THSD7B: variants seen among roughly 807,000 people sequenced by gnomAD.
THSD7B encodes thrombospondin type-1 domain-containing protein 7B.
Under a neutral mutation model 213.6 loss-of-function variants are expected in THSD7B, and 138 were observed. That is an observed-to-expected ratio of 0.65 (90% CI 0.56 to 0.74). The LOEUF (loss-of-function observed/expected upper bound fraction) is 0.74. Ranked by LOEUF, THSD7B falls within the 30% of genes least tolerant of loss-of-function variation. THSD7B has a pLI of 0.00. For missense variants in THSD7B, 1,931 were observed against 1,991.5 expected, an observed-to-expected ratio of 0.97 and a Z score of 0.58; for synonymous variants, 742 against 687.0, an observed-to-expected ratio of 1.08 and a Z score of -1.25.
intron 12 of THSD7B, among the ~76,000 whole-genome samples, chr2:137,381,974 G>A (rs912835065): frequency 1.3e-5 from 2 of 152,186 alleles, no homozygotes; most frequent in African/African-American, 4.8e-5. Context: ...ACCAACGTAC[G>A]GCAAGTGCTG....
At chr2:136,820,029 C>T (rs572206969) in intron 1 of THSD7B, among the ~76,000 whole-genome samples, 59 of 152,252 alleles carry the variant, frequency 3.9e-4, no homozygotes, top group African/African-American at 1.4e-3. Flanking sequence ...CTTCCCTGAC[C>T]ACCCTACTTA....
At chr2:137,213,323 G>A (rs577157104) in intron 7 of THSD7B, among the ~76,000 whole-genome samples, 3 of 147,112 alleles carry the variant, frequency 2.0e-5, no homozygotes, top group African/African-American at 7.4e-5. Flanking sequence ...TTTATTAGTA[G>A]CAGATAATTA....
chr2:136,847,631 T>G (rs766350295), intron 1 of THSD7B, among the ~76,000 whole-genome samples: 2 of 152,178 alleles, frequency 1.3e-5, no homozygotes, highest in Non-Finnish European at 2.9e-5. Context: ...TGACTGCATA[T>G]GATTGCTGGC....
At chr2:137,075,648 G>A (rs58463436) in intron 3 of THSD7B, among the ~76,000 whole-genome samples, 3 of 152,166 alleles carry the variant, frequency 2.0e-5, no homozygotes, top group African/African-American at 7.2e-5. Context: ...TTCCTTTGGA[G>A]CAGGAGAGGC....
At chr2:137,043,580 A>G (rs1381340522) in intron 2 of THSD7B, among the ~76,000 whole-genome samples, 1 of 152,132 alleles carries the variant, frequency 6.6e-6, no homozygotes, top group East Asian at 1.9e-4. Context: ...TTTTAATTAT[A>G]TGTATTTTTT....
At chr2:137,390,458 A>G (rs1036120975) in intron 12 of THSD7B, among the ~76,000 whole-genome samples, 1 of 152,156 alleles carries the variant, frequency 6.6e-6, no homozygotes, top group African/African-American at 2.4e-5. Context: ...GTTTTTTGAA[A>G]TATAAAATCA....
intron 5 of THSD7B, among the ~76,000 whole-genome samples, chr2:137,124,762 G>T (rs1359007804): frequency 6.6e-6 from 1 of 151,770 alleles, no homozygotes; most frequent in Admixed American, 6.6e-5. Context: ...TGTACTTATG[G>T]CATGCAACAT....
chr2:137,563,482 C>A, intron 16 of THSD7B, 128 bp downstream of exon 16: 1 of 1,245,816 alleles, frequency 8.0e-7, no homozygotes. Flanking sequence ...TTTTTCTCAT[C>A]TTTGAAATAT....
At chr2:137,141,475 CAT>C (rs559300771) in intron 5 of THSD7B, among the ~76,000 whole-genome samples, 179 of 121,082 alleles carry the variant, frequency 1.5e-3, no homozygotes, top group East Asian at 2.8e-3. Context: ...TAGAAACACA[CAT>C]GTGTGCACAC....
intron 17 of THSD7B, among the ~76,000 whole-genome samples, chr2:137,614,074 G>GTTT: frequency 6.6e-6 from 1 of 152,176 alleles, no homozygotes; most frequent in South Asian, 2.1e-4. Context: ...AATCCTCTTT[G>GTTT]CCTGTTTCTA....
At chr2:136,990,939 TA>T in intron 2 of THSD7B, 2 of 1,342,924 alleles carry the variant, frequency 1.5e-6, no homozygotes, top group South Asian at 1.2e-5. Context: ...AATTAGCAGG[TA>T]AATCAGAAGA....
At chr2:137,386,706 C>G (rs1305651293) in intron 12 of THSD7B, among the ~76,000 whole-genome samples, 2 of 152,088 alleles carry the variant, frequency 1.3e-5, no homozygotes, top group Non-Finnish European at 2.9e-5. Flanking sequence ...AACCCCTGCC[C>G]TCTTCATCTC....
intron 15 of THSD7B, among the ~76,000 whole-genome samples, chr2:137,547,979 A>G (rs575118494): frequency 2.6e-5 from 4 of 152,136 alleles, no homozygotes; most frequent in African/African-American, 7.2e-5. Context: ...GTGCTTGCCT[A>G]CTGTGAACAC....
chr2:136,776,308 A>G (rs1177632224), intron 1 of THSD7B, among the ~76,000 whole-genome samples: 1 of 152,156 alleles, frequency 6.6e-6, no homozygotes, highest in Non-Finnish European at 1.5e-5. Context: ...TTAATCTTTA[A>G]TAACATCTTA....
chr2:137,442,359 A>G (rs1232087205), intron 14 of THSD7B, among the ~76,000 whole-genome samples: 2 of 152,032 alleles, frequency 1.3e-5, no homozygotes, highest in Non-Finnish European at 2.9e-5. Context: ...TGTGTTCTTT[A>G]CTTCACCTTC....
chr2:137,629,852 A>G (rs932489041), intron 20 of THSD7B, among the ~76,000 whole-genome samples: 1 of 152,082 alleles, frequency 6.6e-6, no homozygotes. Context: ...CTTGTGACTA[A>G]TGTTTTCTTT....
At chr2:137,483,777 G>C (rs918789743) in intron 15 of THSD7B, among the ~76,000 whole-genome samples, 12 of 152,100 alleles carry the variant, frequency 7.9e-5, no homozygotes, top group African/African-American at 2.7e-4. Flanking sequence ...AGCCCCCGCT[G>C]GTGGCAGGAA....
intron 5 of THSD7B, among the ~76,000 whole-genome samples, chr2:137,143,909 G>T (rs1315673888): frequency 2.0e-5 from 3 of 151,882 alleles, no homozygotes; most frequent in African/African-American, 7.3e-5. Flanking sequence ...ACATATTTCT[G>T]ATGTACTGCC....
chr2:137,382,123 A>G (rs185058713), intron 12 of THSD7B, among the ~76,000 whole-genome samples: 124 of 152,176 alleles, frequency 8.1e-4, no homozygotes, highest in African/African-American at 2.5e-3. Flanking sequence ...GACTTGGCTA[A>G]TGCATTTTTT....
Sources: allele counts gnomAD v4.1 joint callset (sites outside exome capture counted in the v4.1 genomes callset), GRCh38; gene constraint gnomAD v4.1.1; transcripts MANE v1.5; gene names NCBI Gene and HGNC (gene_info 2026-07-23, HGNC 2026-07-21).